LRIG1: variants seen among roughly 807,000 people sequenced by gnomAD.
LRIG1 encodes leucine rich repeats and immunoglobulin like domains 1.
LRIG1 carries 48 observed loss-of-function variants against 99.2 expected under a neutral mutation model. The ratio of observed to expected loss-of-function variants is 0.48; its 90% CI spans 0.38 to 0.62. The LOEUF (loss-of-function observed/expected upper bound fraction) is 0.62. LRIG1 is among the 20% of genes least tolerant of loss of function. LRIG1 has a pLI of 0.00. For synonymous variants in LRIG1, 772 were observed against 596.1 expected (o/e 1.29, Z -4.30); for missense variants, 1,646 against 1,434.4 (o/e 1.15, Z -2.38).
intron 1 of LRIG1, among the ~76,000 whole-genome samples, chr3:66,480,602 A>C (rs1700826961): frequency 6.6e-6 from 1 of 152,154 alleles, no homozygotes; most frequent in Non-Finnish European, 1.5e-5. Context: ...GAGATAAATG[A>C]ACACCCAAAA....
At chr3:66,462,417 G>C (rs780010154) in intron 2 of LRIG1, 21 bp downstream of exon 2, 2 of 1,591,206 alleles carry the variant, frequency 1.3e-6, no homozygotes, top group South Asian at 2.2e-5. Context: ...CCATCCACCA[G>C]AGGTTTAGGG....
chr3:66,417,003 C>G, intron 4 of LRIG1, 126 bp downstream of exon 4: 1 of 1,301,366 alleles, frequency 7.7e-7, no homozygotes, highest in Middle Eastern at 2.7e-4. Context: ...TCCCCACTGA[C>G]TCGGCCCAGC....
Position 66,417,142 on chromosome 3 carries a change from G to A in LRIG1, c.490C>T (p.Pro164Ser). 6.2e-7 allele frequency: 1 copy of A among 1,614,138 alleles called. No individual in the cohort carries two copies. Among genetic ancestry groups the A allele is most frequent in the Non-Finnish European group, 8.5e-7 (1 of 1,180,000 alleles). ...VRNTCFPHGP[P>S]IKELNLAGNR... ...AGAGGCACTTACAGCTCCTTTATAG[G>A]CGGTCCGTGTGGAAAGCAGGTGTTC... is the stretch of plus-strand genomic sequence containing the variant. Residue 164 changes from proline (P) to serine (S), a missense_variant, in exon 4 of 19, where the codon CCT becomes TCT. By Grantham distance (74) the Pro-to-Ser change is moderately conservative (BLOSUM62 -1). Transcript: ENST00000273261.
chr3:66,500,152 C>G (rs1314725457), intron 1 of LRIG1, 38 bp downstream of exon 1: 1 of 1,473,614 alleles, frequency 6.8e-7, no homozygotes. Flanking sequence ...AGTGACAGAG[C>G]CCCGGGGCGC....
At chr3:66,463,154 T>C (rs1443593980) in intron 1 of LRIG1, among the ~76,000 whole-genome samples, 3 of 152,146 alleles carry the variant, frequency 2.0e-5, no homozygotes, top group African/African-American at 7.2e-5. Flanking sequence ...ATGTCAATCC[T>C]AGGATTCAGA....
chr3:66,481,899 G>T (rs1041399149), intron 1 of LRIG1, among the ~76,000 whole-genome samples: 1 of 152,208 alleles, frequency 6.6e-6, no homozygotes, highest in Non-Finnish European at 1.5e-5. Context: ...ACATGGGCTC[G>T]CTTGCAGAAG....
intron 12 of LRIG1, among the ~76,000 whole-genome samples, chr3:66,390,159 G>A (rs906411151): frequency 6.6e-5 from 10 of 151,988 alleles, no homozygotes; most frequent in African/African-American, 2.4e-4. Flanking sequence ...CACCCAGACT[G>A]GAAATGAAGA....
intron 3 of LRIG1, among the ~76,000 whole-genome samples, chr3:66,441,382 C>T (rs1703533087): frequency 1.3e-5 from 2 of 152,280 alleles, no homozygotes; most frequent in Middle Eastern, 3.4e-3. Flanking sequence ...CACGTTTGGG[C>T]TCTGCCGAGA....
At chr3:66,420,108 A>C (rs995432000) in intron 3 of LRIG1, among the ~76,000 whole-genome samples, 6 of 152,224 alleles carry the variant, frequency 3.9e-5, no homozygotes, top group African/African-American at 1.4e-4. Flanking sequence ...ACAACAAAAA[A>C]CAACCAACCT....
At chr3:66,481,361 C>G (rs2106896141) in intron 1 of LRIG1, among the ~76,000 whole-genome samples, 1 of 152,304 alleles carries the variant, frequency 6.6e-6, no homozygotes, top group Non-Finnish European at 1.5e-5. Context: ...GCCCCTTGGC[C>G]TGGTTGTTCA....
At position 66,385,968 on chromosome 3, in the gene LRIG1, G is replaced by A. The variant is rs1701352278; in HGVS notation, c.1789+13C>T. ...AGGATTCTGGTACTATAACAAAGAT[G>A]GTGTTTCCATACCATTCACGGTGAG... On this transcript the variant is annotated intron_variant, in intron 13 of 18. Coordinates refer to ENST00000273261, the MANE Select transcript of LRIG1 (RefSeq NM_015541.3). The A allele has an allele frequency of 2.5e-6, 4 of 1,607,736 alleles. No homozygotes were observed. The highest frequency in any genetic ancestry group is 1.3e-5 in the African/African-American group (1 of 74,800).
intron 3 of LRIG1, among the ~76,000 whole-genome samples, chr3:66,434,083 C>T (rs1703262657): frequency 6.6e-6 from 1 of 152,218 alleles, no homozygotes. Flanking sequence ...AAACTTAACA[C>T]TTATTAGGCT....
intron 2 of LRIG1, among the ~76,000 whole-genome samples, chr3:66,461,589 G>C (rs1236505933): frequency 6.6e-6 from 1 of 152,190 alleles, no homozygotes; most frequent in Non-Finnish European, 1.5e-5. Flanking sequence ...ATATGTACAT[G>C]TAATAGTTTT....
intron 2 of LRIG1, among the ~76,000 whole-genome samples, chr3:66,459,449 G>T (rs1247721314): frequency 6.6e-6 from 1 of 152,250 alleles, no homozygotes; most frequent in Admixed American, 6.5e-5. Context: ...GCCAGGCACA[G>T]TGGTCCTCAG....
chr3:66,434,158 T>C (rs552088600), intron 3 of LRIG1, among the ~76,000 whole-genome samples: 3 of 152,304 alleles, frequency 2.0e-5, no homozygotes, highest in Admixed American at 2.0e-4. Context: ...AAGCTACAGA[T>C]TGAGAGAAAG....
chr3:66,412,366 A>C (rs915584313), intron 6 of LRIG1, among the ~76,000 whole-genome samples: 2 of 152,232 alleles, frequency 1.3e-5, no homozygotes, highest in Admixed American at 6.5e-5. Context: ...TTCACCGAAG[A>C]AGCAGGGGCG....
chr3:66,399,469 C>T (rs1167243580), intron 9 of LRIG1, among the ~76,000 whole-genome samples: 2 of 152,088 alleles, frequency 1.3e-5, no homozygotes, highest in South Asian at 2.1e-4. Flanking sequence ...GAAAAATCTT[C>T]GGAATTAAAA....
Position 66,461,822 on chromosome 3 carries a change from T to A in LRIG1, c.290+616A>T, listed in dbSNP as rs79069152. 0.023 allele frequency among the ~76,000 whole-genome samples: 3,480 copies of A among 152,284 alleles called. 55 individuals are homozygous for A. The highest frequency in any genetic ancestry group is 0.036 in the Non-Finnish European group (2,480 of 68,034). On this transcript the variant is annotated intron_variant, in intron 2 of 18. Transcript: ENST00000273261. ...GACTGCAGCCTGATTTCCAAGACAC[T>A]GCAAGGGACAGCAAGCCTAGAGCTC... is the stretch of plus-strand genomic sequence containing the variant.
In LRIG1 at chr3:66,382,352, C is replaced by G. The variant is rs747989547; in HGVS notation, c.2538G>C (p.Gln846His). Residue 846 changes from glutamine (Q) to histidine (H), a missense_variant, in exon 16 of 19, where the codon CAG (glutamine) becomes CAC (histidine). Gln to His is a conservative substitution (Grantham distance 24). Coordinates refer to ENST00000273261, the MANE Select transcript of LRIG1 (RefSeq NM_015541.3). ...TTTCTTGTCGGTCAGAAAGGGTCCC[C>G]TGAGAAGAGAGGTAGCTTGGAACAT... ...PPDVPSYLSS[Q>H]GTLSDRQETV... The G allele has an allele frequency of 1.1e-5, 17 of 1,614,210 alleles. No individual in the cohort carries two copies. The highest frequency in any genetic ancestry group is 1.4e-5 in the Non-Finnish European group (17 of 1,180,030).
Sources: gnomAD v4.1 joint callset for allele counts (sites outside exome capture counted in the v4.1 genomes callset) on GRCh38, gnomAD v4.1.1 for gene constraint, MANE v1.5 for transcripts, NCBI Gene and HGNC (gene_info 2026-07-23, HGNC 2026-07-21) for gene names.